Variants in EYS observed in about 807,000 individuals in gnomAD.
The protein encoded by EYS is protein eyes shut homolog.
A neutral mutation model predicts 282.1 loss-of-function variants in EYS; 250 were observed. That is an observed-to-expected ratio of 0.89 (90% CI 0.80 to 0.98). The LOEUF is 0.98. EYS is among the 50% of genes least tolerant of loss of function. The pLI, the probability that EYS is intolerant of heterozygous loss-of-function variation, is 0.00. For missense variants in EYS, 4,016 were observed against 3,709.0 expected, an observed-to-expected ratio of 1.08 and a Z score of -2.15; for synonymous variants, 1,355 against 1,282.9, an observed-to-expected ratio of 1.06 and a Z score of -1.20.
chr6:64,879,205 A>T (rs1182494116), intron 19 of EYS, among the ~76,000 whole-genome samples: 2 of 152,060 alleles, frequency 1.3e-5, no homozygotes, highest in Non-Finnish European at 2.9e-5. Context: ...ATCATTTCCT[A>T]TGAAGGGGAA....
chr6:64,572,220 C>T (rs1023094063), intron 26 of EYS, among the ~76,000 whole-genome samples: 1 of 152,168 alleles, frequency 6.6e-6, no homozygotes, highest in African/African-American at 2.4e-5. Context: ...CGATAAAATT[C>T]AACACCACTT....
chr6:65,200,802 T>C (rs1459975743), intron 12 of EYS, among the ~76,000 whole-genome samples: 2 of 152,096 alleles, frequency 1.3e-5, no homozygotes, highest in Non-Finnish European at 2.9e-5. Flanking sequence ...TTCCTGTTCA[T>C]ATCTGCATTT....
At chr6:64,046,721 C>A (rs1192663491) in intron 33 of EYS, among the ~76,000 whole-genome samples, 1 of 152,164 alleles carries the variant, frequency 6.6e-6, no homozygotes, top group Non-Finnish European at 1.5e-5. Context: ...TTCATCCAGT[C>A]AGCACATCAC....
intron 28 of EYS, among the ~76,000 whole-genome samples, chr6:64,421,966 T>G (rs752651894): frequency 1.2e-4 from 18 of 149,432 alleles, no homozygotes; most frequent in Admixed American, 2.0e-4. Context: ...CAAGAAACAT[T>G]TCACAACAAC....
intron 22 of EYS, among the ~76,000 whole-genome samples, chr6:64,668,715 C>A (rs1487977843): frequency 1.3e-5 from 2 of 151,816 alleles, no homozygotes; most frequent in Non-Finnish European, 2.9e-5. Flanking sequence ...CAGGTACCCG[C>A]CACCACGCCC....
intron 35 of EYS, among the ~76,000 whole-genome samples, chr6:63,916,729 A>G (rs2149741120): frequency 1.3e-5 from 2 of 152,318 alleles, no homozygotes; most frequent in South Asian, 4.1e-4. Flanking sequence ...AATTTTGATG[A>G]AATGCAATTA....
intron 31 of EYS, among the ~76,000 whole-genome samples, chr6:64,206,172 TTATTC>T (rs1353732267): frequency 2.6e-5 from 4 of 152,170 alleles, no homozygotes; most frequent in African/African-American, 9.7e-5. Flanking sequence ...AAAAATAAGT[TTATTC>T]TATTTTATAT....
chr6:64,536,268 G>A (rs909456536), intron 26 of EYS, among the ~76,000 whole-genome samples: 8 of 151,932 alleles, frequency 5.3e-5, no homozygotes, highest in African/African-American at 1.7e-4. Context: ...GAAAACAAAT[G>A]TAAGGGAAAA....
chr6:63,863,092 G>A (rs1772575599), intron 36 of EYS, among the ~76,000 whole-genome samples: 1 of 152,188 alleles, frequency 6.6e-6, no homozygotes, highest in Non-Finnish European at 1.5e-5. Flanking sequence ...TGGGGCAGAG[G>A]GCCCTGAGTT....
At chr6:63,779,536 G>T (rs2149665142) in intron 39 of EYS, among the ~76,000 whole-genome samples, 1 of 151,864 alleles carries the variant, frequency 6.6e-6, no homozygotes, top group South Asian at 2.1e-4. Flanking sequence ...GGACAGTTCA[G>T]TGAAAAATTT....
At chr6:65,220,791 T>C (rs1448449460) in intron 12 of EYS, among the ~76,000 whole-genome samples, 5 of 152,034 alleles carry the variant, frequency 3.3e-5, no homozygotes, top group African/African-American at 1.2e-4. Flanking sequence ...CTCAGAGACT[T>C]GTGGAATGGT....
chr6:65,690,291 C>T (rs966120267), intron 1 of EYS, among the ~76,000 whole-genome samples: 1 of 149,954 alleles, frequency 6.7e-6, no homozygotes, highest in South Asian at 2.1e-4. Context: ...CCAGTTAGAC[C>T]AGAAATTCTC....
At chr6:65,463,687 T>C (rs1764897910) in intron 5 of EYS, among the ~76,000 whole-genome samples, 1 of 152,186 alleles carries the variant, frequency 6.6e-6, no homozygotes, top group African/African-American at 2.4e-5. Flanking sequence ...CTCCTTAAAA[T>C]ATTTGTCAGG....
intron 35 of EYS, among the ~76,000 whole-genome samples, chr6:63,902,392 C>T (rs1773679483): frequency 6.6e-6 from 1 of 152,116 alleles, no homozygotes; most frequent in African/African-American, 2.4e-5. Context: ...TTCTTTCAGG[C>T]TGGCAACTTA....
chr6:63,944,144 T>C (rs1321461506), intron 35 of EYS, among the ~76,000 whole-genome samples: 2 of 152,186 alleles, frequency 1.3e-5, no homozygotes, highest in Non-Finnish European at 2.9e-5. Context: ...AGCTAGTTTG[T>C]GTTGGGTTTC....
At chr6:64,660,827 G>C (rs1354845048) in intron 22 of EYS, among the ~76,000 whole-genome samples, 2 of 152,170 alleles carry the variant, frequency 1.3e-5, no homozygotes, top group Non-Finnish European at 2.9e-5. Context: ...GTAATTTATA[G>C]ATTCAATGCC....
chr6:65,514,876 A>G (rs1307783838), intron 2 of EYS, among the ~76,000 whole-genome samples: 1 of 152,184 alleles, frequency 6.6e-6, no homozygotes, highest in Middle Eastern at 3.2e-3. Context: ...GGACATAGGC[A>G]TGGGCAAGGA....
chr6:65,517,307 A>G (rs953366793), intron 2 of EYS, among the ~76,000 whole-genome samples: 6 of 150,532 alleles, frequency 4.0e-5, no homozygotes, highest in Admixed American at 2.7e-4. Context: ...CTGTAACAAA[A>G]GTATTTTGGA....
At chr6:64,663,460 C>A (rs1769116408) in intron 22 of EYS, among the ~76,000 whole-genome samples, 1 of 152,048 alleles carries the variant, frequency 6.6e-6, no homozygotes, top group Admixed American at 6.6e-5. Flanking sequence ...ATCTCAGAGG[C>A]TAAAGTAACA....
Sources: gnomAD v4.1 joint callset for allele counts (sites outside exome capture counted in the v4.1 genomes callset) on GRCh38, gnomAD v4.1.1 for gene constraint, MANE v1.5 for transcripts, NCBI Gene and HGNC (gene_info 2026-07-23, HGNC 2026-07-21) for gene names.